SPTBN1: variants seen among roughly 807,000 people sequenced by gnomAD.
SPTBN1 encodes spectrin beta, non-erythrocytic 1, also known as spectrin beta chain, non-erythrocytic 1.
In SPTBN1, 32 loss-of-function variants were observed where a neutral mutation model predicts 266.4. The ratio of observed to expected loss-of-function variants is 0.12; its 90% CI spans 0.09 to 0.16. The LOEUF (loss-of-function observed/expected upper bound fraction) is 0.16, where lower values mean the gene tolerates loss of function less well. Among genes scored for constraint, SPTBN1 ranks in the 10% least tolerant of loss-of-function variants. The pLI is 1.00. For missense variants in SPTBN1, 2,296 were observed against 3,067.1 expected (o/e 0.75, Z 5.94); for synonymous variants, 1,336 against 1,162.2 (o/e 1.15, Z -3.04).
rs549491367 is a variant in SPTBN1, at chr2:54,530,353, C to CTTTTTTTTTTTTTTTTTTTTT, written c.148+3790_148+3810dup. On this transcript the variant is annotated intron_variant, in intron 2 of 35. Transcript: ENST00000356805. ...TAGGTTATCTGTGAATTGTAAAAAA[C>CTTTTTTTTTTTTTTTTTTTTT]TTTTTTTTTTTTTTTTTTTTTTTGA... Among the ~76,000 whole-genome samples the CTTTTTTTTTTTTTTTTTTTTT allele has an allele frequency of 2.2e-4, 16 of 73,906 alleles. 1 individual carries two copies. The highest frequency in any genetic ancestry group is 2.9e-4 in the Non-Finnish European group (12 of 41,790). The allele number at this position is 73,906 out of a possible 152,430, so 48.5% of individuals were successfully genotyped here.
chr2:54,529,149 A>G (rs1671035037), intron 2 of SPTBN1, among the ~76,000 whole-genome samples: 1 of 152,216 alleles, frequency 6.6e-6, no homozygotes, highest in Non-Finnish European at 1.5e-5. Context: ...GGGATAATTT[A>G]CATATCCAAC....
At chr2:54,599,526 G>T (rs968351018) in intron 3 of SPTBN1, among the ~76,000 whole-genome samples, 1 of 152,210 alleles carries the variant, frequency 6.6e-6, no homozygotes, top group African/African-American at 2.4e-5. Context: ...ACAGGGCATG[G>T]TGCTGGAATT....
Position 54,558,330 on chromosome 2 carries a change from A to G in SPTBN1, c.148+31764A>G. ...TGCTAATCAGGTGACATCACCGCCC[A>G]GCACACGGCGAGTGGCTCCTGATAA... On this transcript the variant is annotated intron_variant, in intron 2 of 35. Transcript: ENST00000356805. This position sits in a 1 kb window ranked among gnomAD's most constrained non-coding sequence, Gnocchi z 4.6. The G allele has an allele frequency of 2.0e-6, 2 of 994,558 alleles. No individual in the cohort carries two copies. The highest frequency in any genetic ancestry group is 2.4e-6 in the Non-Finnish European group (2 of 835,692). 61.6% of individuals were successfully genotyped at this position (994,558 alleles called of 1,614,324 possible).
chr2:54,472,022 G>GTTTTGTT (rs1693950042), intron 1 of SPTBN1, among the ~76,000 whole-genome samples: 1 of 66,802 alleles, frequency 1.5e-5, no homozygotes, highest in Non-Finnish European at 2.6e-5. Context: ...CCCTGAAGAT[G>GTTTTGTT]TTTTTTTTTT....
chr2:54,567,141 A>G (rs1000027526), intron 2 of SPTBN1, among the ~76,000 whole-genome samples: 1 of 152,202 alleles, frequency 6.6e-6, no homozygotes, highest in Admixed American at 6.5e-5. Flanking sequence ...CAAGTGGAGA[A>G]ATAAACTTGA....
chr2:54,652,181 A>G (rs916845272), intron 26 of SPTBN1, among the ~76,000 whole-genome samples: 1 of 152,216 alleles, frequency 6.6e-6, no homozygotes, highest in Non-Finnish European at 1.5e-5. Flanking sequence ...GACATTGTAC[A>G]CAAGTATGGC....
At chr2:54,611,636 A>G (rs909130071) in intron 3 of SPTBN1, among the ~76,000 whole-genome samples, 1 of 151,954 alleles carries the variant, frequency 6.6e-6, no homozygotes, top group Non-Finnish European at 1.5e-5. Flanking sequence ...AGTAAGTTAT[A>G]CTTCTTTACT....
chr2:54,603,655 T>C (rs1337495018), intron 3 of SPTBN1, among the ~76,000 whole-genome samples: 1 of 152,168 alleles, frequency 6.6e-6, no homozygotes, highest in Admixed American at 6.5e-5. Context: ...TAACTAATAC[T>C]CCTCTGAAAG....
intron 1 of SPTBN1, among the ~76,000 whole-genome samples, chr2:54,486,263 T>C (rs1573248530): frequency 6.6e-6 from 1 of 151,578 alleles, no homozygotes; most frequent in South Asian, 2.1e-4. Context: ...ACAATGGCGG[T>C]TTTGTGGAAT....
intron 32 of SPTBN1, 53 bp downstream of exon 32, chr2:54,660,052 G>A (rs752368293): frequency 6.3e-5 from 101 of 1,614,048 alleles, no homozygotes; most frequent in Non-Finnish European, 8.2e-5. Flanking sequence ...AATAGCAGAC[G>A]GACAGCCAGT....
intron 24 of SPTBN1, among the ~76,000 whole-genome samples, chr2:54,648,224 A>C (rs940223192): frequency 1.2e-4 from 19 of 152,236 alleles, no homozygotes; most frequent in African/African-American, 4.1e-4. Flanking sequence ...AGATGAGGTC[A>C]GTGGCTCTGT....
At chr2:54,622,152 T>C in intron 8 of SPTBN1, 148 bp from the exon 9 acceptor site, 6 of 712,756 alleles carry the variant, frequency 8.4e-6, no homozygotes, top group Non-Finnish European at 1.4e-5. Flanking sequence ...TTAAAATGCT[T>C]GTGCCCAGGT....
intron 10 of SPTBN1, among the ~76,000 whole-genome samples, chr2:54,624,494 T>C (rs908548686): frequency 2.0e-5 from 3 of 152,268 alleles, no homozygotes; most frequent in African/African-American, 7.2e-5. Context: ...CTATTTAAGA[T>C]AATTTATTTC....
At chr2:54,507,712 C>G (rs1377013152) in intron 1 of SPTBN1, among the ~76,000 whole-genome samples, 1 of 150,912 alleles carries the variant, frequency 6.6e-6, no homozygotes, top group East Asian at 1.9e-4. Context: ...CTTTTAGGCT[C>G]TATCTTTGAG....
chr2:54,507,522 G>T (rs961246909), intron 1 of SPTBN1, among the ~76,000 whole-genome samples: 2 of 152,160 alleles, frequency 1.3e-5, no homozygotes, highest in Admixed American at 6.5e-5. Context: ...TTGTCGTATA[G>T]AATGATTGGT....
chr2:54,462,840 T>G (rs1412781820), intron 1 of SPTBN1, among the ~76,000 whole-genome samples: 4 of 152,242 alleles, frequency 2.6e-5, no homozygotes, highest in Non-Finnish European at 2.9e-5. Context: ...TCGCTTCTGT[T>G]CCTGGCAGAC....
At position 54,632,511 on chromosome 2, in the gene SPTBN1, A is replaced by C. The variant is rs1678819115; in HGVS notation, c.3565-55A>C. 1.9e-6 allele frequency: 3 copies of C among 1,558,864 alleles called. No homozygotes were observed. In the Admixed American group the frequency reaches 5.0e-5, roughly 26 times the overall value. The stretch of plus-strand genomic sequence containing the variant: ...TATGTTGCACGGAAATGTAGAACAC[A>C]GGAAAATGAGATCCTTCATTGATCT... On this transcript the variant is annotated intron_variant, in intron 16 of 35. Transcript: ENST00000356805.
chr2:54,668,556 G>C lies in SPTBN1; in HGVS notation c.7082G>C (p.Gly2361Ala). The stretch of plus-strand genomic sequence containing the variant: ...AAAGAGAAGCGGTTCAGCCTTTTTG[G>C]CAAAAAGAAATGAACTCCTTTCCTT... Reference protein sequence around the residue: ...KDKEKRFSLFGKKK With the variant: ...KDKEKRFSLFAKKK Residue 2361 changes from glycine (G) to alanine (A), a missense_variant, in exon 36 of 36, where the codon GGC becomes GCC. Physicochemically the swap from Gly to Ala is moderately conservative, Grantham distance 60 (BLOSUM62 0). Coordinates refer to ENST00000356805, the MANE Select transcript of SPTBN1 (RefSeq NM_003128.3). The C allele has an allele frequency of 6.2e-7, 1 of 1,613,034 alleles. No individual in the cohort carries two copies. The highest frequency in any genetic ancestry group is 1.1e-5 in the South Asian group (1 of 90,950).
chr2:54,486,874 G>A (rs1029748018), intron 1 of SPTBN1, among the ~76,000 whole-genome samples: 14 of 152,148 alleles, frequency 9.2e-5, no homozygotes, highest in East Asian at 1.9e-4. Flanking sequence ...GAGCCTTGCC[G>A]GGGTCTTCTG....
Sources: allele counts gnomAD v4.1 joint callset (sites outside exome capture counted in the v4.1 genomes callset), GRCh38; gene constraint gnomAD v4.1.1; non-coding constraint Gnocchi (gnomAD v3.1); transcripts MANE v1.5; gene names NCBI Gene and HGNC (gene_info 2026-07-23, HGNC 2026-07-21).